The following SLC12A3 variants were observed in gnomAD, a reference collection of about 807,000 sequenced individuals.
The protein encoded by SLC12A3 is Na-Cl cotransporter.
Under a neutral mutation model 121.0 loss-of-function variants are expected in SLC12A3, and 104 were observed. The observed-to-expected ratio is 0.86, with a 90% confidence interval of 0.73 to 1.01. The LOEUF is 1.01. Ranked by LOEUF, SLC12A3 falls within the 50% of genes least tolerant of loss-of-function variation. The pLI is 0.00. For missense variants in SLC12A3, 1,328 were observed against 1,356.3 expected (o/e 0.98, Z 0.33); for synonymous variants, 536 against 533.4 (o/e 1.00, Z -0.07).
chr16:56,878,592 C>T lies in SLC12A3; in HGVS notation c.1180+431C>T, dbSNP rs770504540. Among the ~76,000 whole-genome samples, 9 of 152,224 alleles carry T rather than the reference C, an allele frequency of 5.9e-5. No individual in the cohort carries two copies. The South Asian group carries it at 1.0e-3, about 18-fold the overall frequency. On this transcript the variant is annotated intron_variant, in intron 9 of 25. Transcript: ENST00000563236. ...CAAGGAGAAAATGGGGGCTCAGAGA[C>T]GTTAAGTGACCTGCCCAGGGTCACA... is the stretch of plus-strand genomic sequence containing the variant.
intron 22 of SLC12A3, among the ~76,000 whole-genome samples, chr16:56,897,851 G>C (rs1266218268): frequency 6.6e-6 from 1 of 152,170 alleles, no homozygotes; most frequent in Admixed American, 6.5e-5. Flanking sequence ...CCTAGGCACT[G>C]CCCAGGCCTG....
At chr16:56,874,604 C>G (rs1344117418) in intron 8 of SLC12A3, among the ~76,000 whole-genome samples, 1 of 152,190 alleles carries the variant, frequency 6.6e-6, no homozygotes, top group Non-Finnish European at 1.5e-5. Context: ...AGTTCGAGAC[C>G]AGCCTGGCTA....
At chr16:56,902,531 G>GGGGGGCC in intron 24 of SLC12A3, 23 bp downstream of exon 24, 325 of 712,630 alleles carry the variant, frequency 4.6e-4, no homozygotes, top group East Asian at 1.0e-3. Context: ...GTGGGGGTGG[G>GGGGGGCC]AAACGCGACA....
rs1233419931 is a variant in SLC12A3 at position 56,885,252 on chromosome 16, C to T, written c.1826-13C>T. 6 of 1,517,998 alleles carry T rather than the reference C, an allele frequency of 4.0e-6. No homozygotes were observed. Among genetic ancestry groups the T allele is most frequent in the Non-Finnish European group, 4.5e-6 (5 of 1,116,370 alleles). 94.0% of individuals were successfully genotyped at this position (1,517,998 alleles called of 1,614,324 possible). On this transcript the variant is annotated splice_polypyrimidine_tract_variant and intron_variant, in intron 14 of 25. Coordinates refer to ENST00000563236, the MANE Select transcript of SLC12A3 (RefSeq NM_001126108.2). ...ACTCTGCTCTCACCCCCGTTGCTCC[C>T]TTGCTCTCCCAGAGGTAAATTGGGG... is the stretch of plus-strand genomic sequence containing the variant.
chr16:56,882,577 C>T lies in SLC12A3; in HGVS notation c.1669+80C>T, dbSNP rs1161017613. ...TGGGGCATGGGGTGGGAGTGGGAGGCATGGGTGGAGGTTGGCAGCCCAAGG... is the reference window on the plus strand; with the variant it reads ...TGGGGCATGGGGTGGGAGTGGGAGGTATGGGTGGAGGTTGGCAGCCCAAGG... On this transcript the variant is annotated intron_variant, in intron 13 of 25. Transcript: ENST00000563236. 7 of 1,091,632 alleles carry T rather than the reference C, an allele frequency of 6.4e-6. No individual in the cohort carries two copies. In the African/African-American group the frequency reaches 7.7e-5, roughly 12 times the overall value. The allele number at this position is 1,091,632 out of a possible 1,614,324, so 67.6% of individuals were successfully genotyped here.
intron 8 of SLC12A3, 28 bp from the exon 9 acceptor site, chr16:56,878,049 T>TCCCCC: frequency 1.7e-5 from 5 of 288,256 alleles, no homozygotes; most frequent in South Asian, 4.8e-5. Flanking sequence ...CCTCCCTCCC[T>TCCCCC]CCCTCCCTCT....
rs758683818 is a variant in SLC12A3 at position 56,865,288 on chromosome 16, G to GGC, written c.56_57dup (p.Phe20AlafsTer8). ...CCTGGGGACGCCACTTTGTGCAGCG[G>GGC]GCGCTTCACCATCAGCACACTGCTG... On this transcript the variant is annotated frameshift_variant, in exon 1 of 26. Transcript: ENST00000563236. LOFTEE classifies it high-confidence loss of function. The GGC allele has an allele frequency of 2.5e-6, 4 of 1,613,834 alleles. No homozygotes were observed. The highest frequency in any genetic ancestry group is 3.3e-5 in the Admixed American group (2 of 60,006).
chr16:56,881,452 G>A (rs1226083504), intron 12 of SLC12A3, among the ~76,000 whole-genome samples: 2 of 151,974 alleles, frequency 1.3e-5, no homozygotes, highest in Admixed American at 6.6e-5. Context: ...TCTGGGGGGG[G>A]GTCTGACTTG....
intron 19 of SLC12A3, 48 bp downstream of exon 19, chr16:56,890,404 T>C (rs1240103758): frequency 6.5e-7 from 1 of 1,547,648 alleles, no homozygotes. Flanking sequence ...AACACATTTT[T>C]TGTTTTTAAA....
At chr16:56,892,920 G>A in intron 20 of SLC12A3, 33 bp from the exon 21 acceptor site, 2 of 1,583,788 alleles carry the variant, frequency 1.3e-6, no homozygotes, top group Non-Finnish European at 1.7e-6. Flanking sequence ...CGCGGCTGCT[G>A]GCTCTGCTCT....
chr16:56,901,587 G>A lies in SLC12A3; in HGVS notation c.2721-786G>A, dbSNP rs146136275. On this transcript the variant is annotated intron_variant, in intron 23 of 25. Coordinates refer to ENST00000563236, the MANE Select transcript of SLC12A3 (RefSeq NM_001126108.2). ...ACTTCTGACCTCAGGTGATCCGCCC[G>A]CCTCGGCCTCCCAAAGTGCTGGGAT... 2.6e-4 allele frequency among the ~76,000 whole-genome samples: 39 copies of A among 152,246 alleles called. No individual in the cohort carries two copies. The East Asian group carries it at 6.0e-3, about 23-fold the overall frequency.
At chr16:56,885,844 C>T (rs1356811604) in intron 15 of SLC12A3, among the ~76,000 whole-genome samples, 4 of 152,312 alleles carry the variant, frequency 2.6e-5, no homozygotes, top group Admixed American at 1.3e-4. Context: ...CAAGAACCGG[C>T]TGAGGTCCAG....
At chr16:56,902,264 G>C in intron 23 of SLC12A3, 109 bp from the exon 24 acceptor site, 1 of 1,402,174 alleles carries the variant, frequency 7.1e-7, no homozygotes, top group Non-Finnish European at 1.0e-6. Context: ...ATGGGTTTCA[G>C]CCTGAAAATG....
At chr16:56,892,659 G>T (rs1270927155) in intron 20 of SLC12A3, among the ~76,000 whole-genome samples, 1 of 152,134 alleles carries the variant, frequency 6.6e-6, no homozygotes, top group Non-Finnish European at 1.5e-5. Flanking sequence ...GGCTGCTGTG[G>T]GCATTTGTGA....
intron 25 of SLC12A3, among the ~76,000 whole-genome samples, chr16:56,908,404 C>T (rs2055638479): frequency 6.6e-6 from 1 of 152,010 alleles, no homozygotes; most frequent in South Asian, 2.1e-4. Context: ...CTCAGCCTCC[C>T]AAAGTGCTGG....
intron 6 of SLC12A3, 41 bp downstream of exon 6, chr16:56,870,777 G>C: frequency 7.8e-7 from 1 of 1,287,802 alleles, no homozygotes; most frequent in East Asian, 2.3e-5. Context: ...AGGTGGTCAC[G>C]TGGAGAAGCG....
intron 17 of SLC12A3, among the ~76,000 whole-genome samples, chr16:56,887,717 CA>C (rs2055332534): frequency 1.4e-5 from 2 of 146,462 alleles, no homozygotes; most frequent in Admixed American, 6.9e-5. Context: ...TTCCTCCCAT[CA>C]GTCATCTTTC....
chr16:56,895,326 G>A (rs1161672715), intron 22 of SLC12A3, among the ~76,000 whole-genome samples: 1 of 149,596 alleles, frequency 6.7e-6, no homozygotes, highest in African/African-American at 2.5e-5. Context: ...CTAGTAACCA[G>A]GATTAGAGGC....
chr16:56,871,831 T>C (rs2055101112), intron 6 of SLC12A3, among the ~76,000 whole-genome samples: 1 of 152,156 alleles, frequency 6.6e-6, no homozygotes, highest in Non-Finnish European at 1.5e-5. Flanking sequence ...CAAGCAATTC[T>C]CCTGCCTCAG....
Sources: allele counts gnomAD v4.1 joint callset (sites outside exome capture counted in the v4.1 genomes callset), GRCh38; gene constraint gnomAD v4.1.1; transcripts MANE v1.5; gene names NCBI Gene and HGNC (gene_info 2026-07-23, HGNC 2026-07-21).